RGS12: variants seen among roughly 807,000 people sequenced by gnomAD.
RGS12 encodes regulator of G protein signaling 12, also known as regulator of G-protein signaling 12.
RGS12 carries 66 observed loss-of-function variants against 120.1 expected under a neutral mutation model. The ratio of observed to expected loss-of-function variants is 0.55; its 90% CI spans 0.45 to 0.67. The LOEUF is 0.67. Ranked by LOEUF, RGS12 falls within the 30% of genes least tolerant of loss-of-function variation. The pLI is 0.00. For missense variants in RGS12, 1,859 were observed against 1,957.7 expected (o/e 0.95, Z 0.95); for synonymous variants, 827 against 804.7 (o/e 1.03, Z -0.47).
intron 1 of RGS12, among the ~76,000 whole-genome samples, chr4:3,303,925 C>T (rs1723823940): frequency 6.6e-6 from 1 of 152,206 alleles, no homozygotes; most frequent in Non-Finnish European, 1.5e-5. Context: ...TTTCTTTCCC[C>T]TAATCATTCA....
At chr4:3,336,550 T>C (rs967399642) in intron 2 of RGS12, among the ~76,000 whole-genome samples, 2 of 152,228 alleles carry the variant, frequency 1.3e-5, no homozygotes, top group Admixed American at 6.5e-5. Flanking sequence ...TAAGTATTCA[T>C]TGAGTACTTG....
intron 3 of RGS12, among the ~76,000 whole-genome samples, chr4:3,360,540 G>T (rs1295429394): frequency 6.6e-6 from 1 of 152,010 alleles, no homozygotes; most frequent in African/African-American, 2.4e-5. Context: ...TACTCTTGCT[G>T]TGTTCCATAC....
intron 3 of RGS12, among the ~76,000 whole-genome samples, chr4:3,362,664 A>G: frequency 1.2e-5 from 1 of 83,742 alleles, no homozygotes; most frequent in African/African-American, 4.8e-5. Context: ...TGTGGGACTG[A>G]GGCTGAGTGT....
At chr4:3,397,691 A>C (rs1197605136) in intron 4 of RGS12, among the ~76,000 whole-genome samples, 1 of 152,260 alleles carries the variant, frequency 6.6e-6, no homozygotes, top group African/African-American at 2.4e-5. Flanking sequence ...TTCAAAATCT[A>C]CTGGAGATAT....
chr4:3,375,329 C>T (rs1478571269), intron 3 of RGS12, among the ~76,000 whole-genome samples: 1 of 97,940 alleles, frequency 1.0e-5, no homozygotes, highest in African/African-American at 3.9e-5. Flanking sequence ...TCTCCAGCCT[C>T]ATCTCCAGCC....
intron 2 of RGS12, among the ~76,000 whole-genome samples, chr4:3,328,484 C>G (rs148182641): frequency 2.8e-3 from 421 of 152,320 alleles, no homozygotes; most frequent in African/African-American, 9.9e-3. Context: ...TGTGCTACCT[C>G]AGGACTCTGT....
chr4:3,316,146 C>A lies in RGS12; in HGVS notation c.-25C>A. ...GGCTCCAAGGGAACAATGAGACGTG[C>A]TCTTGGTCTTGGAAGCTCATCAGAA... On this transcript the variant is annotated 5_prime_UTR_variant, in exon 2 of 18. Transcript: ENST00000336727. 1 of 1,521,306 alleles carries A rather than the reference C, an allele frequency of 6.6e-7. No individual in the cohort carries two copies. The allele number at this position is 1,521,306 out of a possible 1,614,324, so 94.2% of individuals were successfully genotyped here. A position where few individuals can be genotyped will look rare whatever the true frequency, so the allele number is the denominator to read the frequency against.
chr4:3,403,440 G>C (rs1466901722), intron 4 of RGS12, among the ~76,000 whole-genome samples: 1 of 152,184 alleles, frequency 6.6e-6, no homozygotes, highest in African/African-American at 2.4e-5. Context: ...GGGGATACCG[G>C]GACCTCACCA....
chr4:3,288,905 C>G (rs566360297), upstream of RGS12, among the ~76,000 whole-genome samples: 2 of 152,186 alleles, frequency 1.3e-5, no homozygotes, highest in African/African-American at 4.8e-5. The surrounding 1 kb of genome is among the most constrained non-coding windows in gnomAD (Gnocchi z 5.2). Context: ...GCCATCCCCC[C>G]ACCCCTACGA....
intron 2 of RGS12, among the ~76,000 whole-genome samples, chr4:3,336,133 G>A (rs1712435244): frequency 6.6e-6 from 1 of 152,038 alleles, no homozygotes; most frequent in Non-Finnish European, 1.5e-5. Context: ...AAAACCCAAG[G>A]GCTGGAGCCC....
chr4:3,402,488 T>G (rs1720696865), intron 4 of RGS12, among the ~76,000 whole-genome samples: 1 of 152,210 alleles, frequency 6.6e-6, no homozygotes, highest in Admixed American at 6.5e-5. Context: ...CCCTGGACTC[T>G]TTCAGTGGAA....
At chr4:3,431,271 G>T (rs1258699976) in intron 17 of RGS12, 2 of 1,210,920 alleles carry the variant, frequency 1.7e-6, no homozygotes, top group Non-Finnish European at 2.1e-6. Flanking sequence ...AGGCCTGGGG[G>T]TTTCCGAAAA....
chr4:3,421,169 C>G (rs926183331), intron 10 of RGS12, among the ~76,000 whole-genome samples: 2 of 152,204 alleles, frequency 1.3e-5, no homozygotes, highest in Non-Finnish European at 1.5e-5. Flanking sequence ...CCCACACCCT[C>G]TCACACCTGC....
In RGS12 at chr4:3,407,988, CACA is replaced by C. The variant is rs368246356; in HGVS notation, c.2021-6079_2021-6077del. ...ATGGGTCAGTCGAAAGAAAAAATCC[CACA>C]ACAATACCGTAAACTGGACCGTGTT... On this transcript the variant is annotated intron_variant, in intron 4 of 17. Transcript: ENST00000336727. Among the ~76,000 whole-genome samples the C allele has an allele frequency of 6.4e-4, 98 of 152,306 alleles. 1 individual carries two copies. The South Asian group carries it at 9.5e-3, about 15-fold the overall frequency.
At chr4:3,362,338 TGA>T (rs900063331) in intron 3 of RGS12, among the ~76,000 whole-genome samples, 62 of 151,792 alleles carry the variant, frequency 4.1e-4, no homozygotes, top group Middle Eastern at 3.4e-3. Flanking sequence ...TCATGAAGAG[TGA>T]GAGTGTGTGC....
intron 3 of RGS12, among the ~76,000 whole-genome samples, chr4:3,368,126 C>T (rs1578842061): frequency 6.6e-6 from 1 of 152,166 alleles, no homozygotes; most frequent in Non-Finnish European, 1.5e-5. Context: ...GGTCTGGGGG[C>T]CCTGGGGGGC....
At chr4:3,367,803 G>A (rs1219502486) in intron 3 of RGS12, among the ~76,000 whole-genome samples, 1 of 152,220 alleles carries the variant, frequency 6.6e-6, no homozygotes, top group African/African-American at 2.4e-5. Flanking sequence ...AAGAGGAGAT[G>A]GGGGGAGCCT....
At chr4:3,326,147 C>CA (rs1725540394) in intron 2 of RGS12, among the ~76,000 whole-genome samples, 1 of 152,222 alleles carries the variant, frequency 6.6e-6, no homozygotes, top group South Asian at 2.1e-4. Flanking sequence ...TCCTATTCAA[C>CA]ATAGTACTGG....
intron 3 of RGS12, among the ~76,000 whole-genome samples, chr4:3,369,231 A>G (rs1440927524): frequency 1.3e-5 from 2 of 152,214 alleles, no homozygotes; most frequent in Non-Finnish European, 2.9e-5. Flanking sequence ...AGCTCCTGAG[A>G]AAAGCCTTCT....
Sources: gnomAD v4.1 joint callset for allele counts (sites outside exome capture counted in the v4.1 genomes callset) on GRCh38, gnomAD v4.1.1 for gene constraint, Gnocchi (gnomAD v3.1) non-coding constraint, MANE v1.5 for transcripts, NCBI Gene and HGNC (gene_info 2026-07-23, HGNC 2026-07-21) for gene names.